NHSL1: variants seen among roughly 807,000 people sequenced by gnomAD.
NHSL1 encodes NHS like 1.
In NHSL1, 48 loss-of-function variants were observed where a neutral mutation model predicts 95.0. That is an observed-to-expected ratio of 0.51 (90% CI 0.40 to 0.64). NHSL1 has a LOEUF of 0.64. Among genes scored for constraint, NHSL1 ranks in the 30% least tolerant of loss-of-function variants. The probability of loss-of-function intolerance (pLI) is 0.00; values close to 1 mark genes in which losing one functional copy is unlikely to be tolerated. For synonymous variants in NHSL1, 783 were observed against 833.9 expected (o/e 0.94, Z 1.05); for missense variants, 1,971 against 2,077.7 (o/e 0.95, Z 1.00).
chr6:138,470,053 CTAAT>C (rs1222221582), intron 3 of NHSL1, among the ~76,000 whole-genome samples: 6 of 151,812 alleles, frequency 4.0e-5, no homozygotes, highest in Admixed American at 6.6e-5. Flanking sequence ...ATAATAATGT[CTAAT>C]TAATATATAT....
At chr6:138,663,314 A>G (rs528805666) in intron 1 of NHSL1, among the ~76,000 whole-genome samples, 1 of 152,122 alleles carries the variant, frequency 6.6e-6, no homozygotes, top group African/African-American at 2.4e-5. Flanking sequence ...TCATCCCAGC[A>G]CTTTGGGAGG....
At chr6:138,648,158 G>A (rs867239053) in intron 1 of NHSL1, among the ~76,000 whole-genome samples, 6 of 151,740 alleles carry the variant, frequency 4.0e-5, no homozygotes, top group African/African-American at 9.7e-5. Flanking sequence ...TTTCCAGACC[G>A]TACACACACA....
At chr6:138,603,339 C>A (rs1033461591) in intron 1 of NHSL1, among the ~76,000 whole-genome samples, 9 of 152,142 alleles carry the variant, frequency 5.9e-5, no homozygotes, top group Admixed American at 2.6e-4. Flanking sequence ...GATGAGCCAA[C>A]TGTGTCAGCC....
chr6:138,540,031 C>T (rs1190696101), intron 1 of NHSL1, among the ~76,000 whole-genome samples: 2 of 152,172 alleles, frequency 1.3e-5, no homozygotes, highest in Non-Finnish European at 2.9e-5. Context: ...TTATTAAATT[C>T]CAAGGGCTTT....
intron 1 of NHSL1, among the ~76,000 whole-genome samples, chr6:138,663,903 C>T (rs1197765488): frequency 6.6e-6 from 1 of 152,102 alleles, no homozygotes; most frequent in African/African-American, 2.4e-5. Context: ...AAAATCTACA[C>T]AAAACATGTT....
intron 1 of NHSL1, among the ~76,000 whole-genome samples, chr6:138,674,926 TA>T (rs1023526351): frequency 1.3e-5 from 2 of 152,012 alleles, no homozygotes; most frequent in African/African-American, 4.8e-5. Flanking sequence ...CACGCATCTG[TA>T]GTCCCAGCTA....
At chr6:138,565,212 T>G (rs1293571061) in intron 1 of NHSL1, among the ~76,000 whole-genome samples, 1 of 152,138 alleles carries the variant, frequency 6.6e-6, no homozygotes, top group Non-Finnish European at 1.5e-5. Flanking sequence ...GTTCAAGCGA[T>G]TCTCCTGCCT....
intron 1 of NHSL1, among the ~76,000 whole-genome samples, chr6:138,517,170 G>A (rs907105500): frequency 6.6e-5 from 10 of 152,116 alleles, no homozygotes; most frequent in African/African-American, 1.9e-4. Flanking sequence ...AGTCCAAGAC[G>A]ACACCAACAG....
chr6:138,619,391 G>A (rs1436147609), intron 1 of NHSL1, among the ~76,000 whole-genome samples: 1 of 152,176 alleles, frequency 6.6e-6, no homozygotes, highest in Non-Finnish European at 1.5e-5. Context: ...CCAAGACCAA[G>A]ACCTATTTAT....
At chr6:138,581,960 C>T (rs1192065214) in intron 1 of NHSL1, among the ~76,000 whole-genome samples, 8 of 147,514 alleles carry the variant, frequency 5.4e-5, no homozygotes, top group African/African-American at 1.5e-4. Flanking sequence ...TGCAGTGGCG[C>T]GATCTCGGCC....
At chr6:138,558,412 G>A (rs1431331998) in intron 1 of NHSL1, among the ~76,000 whole-genome samples, 1 of 144,382 alleles carries the variant, frequency 6.9e-6, no homozygotes, top group East Asian at 2.1e-4. Flanking sequence ...GTAAGCCACT[G>A]TGCCCACCCT....
chr6:138,562,490 TACA>T (rs1199643774), intron 1 of NHSL1, among the ~76,000 whole-genome samples: 2 of 151,966 alleles, frequency 1.3e-5, no homozygotes, highest in Non-Finnish European at 2.9e-5. Flanking sequence ...CTACTACAAA[TACA>T]ACAACCACCA....
intron 1 of NHSL1, among the ~76,000 whole-genome samples, chr6:138,515,932 G>GC (rs1781441031): frequency 6.6e-6 from 1 of 152,206 alleles, no homozygotes; most frequent in Admixed American, 6.5e-5. Context: ...GAAGGCGCAC[G>GC]CCGTCTCTCA....
chr6:138,601,284 TGTTATGTTCTCCA>T (rs745367982), intron 1 of NHSL1, among the ~76,000 whole-genome samples: 1 of 152,208 alleles, frequency 6.6e-6, no homozygotes, highest in Non-Finnish European at 1.5e-5. Flanking sequence ...TTTTTAAATC[TGTTATGTTCTCCA>T]GTCCCAAGCT....
chr6:138,573,078 C>A (rs1172639838), upstream of NHSL1, among the ~76,000 whole-genome samples: 2 of 152,198 alleles, frequency 1.3e-5, no homozygotes, highest in East Asian at 1.9e-4. Context: ...TCCTCCTCTG[C>A]CGTATCACTG....
chr6:138,590,472 T>C (rs1196110201), intron 1 of NHSL1, among the ~76,000 whole-genome samples: 2 of 152,154 alleles, frequency 1.3e-5, no homozygotes, highest in Non-Finnish European at 2.9e-5. Context: ...CCTGCCCCTC[T>C]TCCCTCTGGT....
At chr6:138,453,253 CG>C (rs1777358464) in intron 3 of NHSL1, among the ~76,000 whole-genome samples, 1 of 152,150 alleles carries the variant, frequency 6.6e-6, no homozygotes. Flanking sequence ...GGATTACAAG[CG>C]TGAGCCACCA....
At chr6:138,594,935 G>A (rs552936501) in intron 1 of NHSL1, among the ~76,000 whole-genome samples, 16 of 152,274 alleles carry the variant, frequency 1.1e-4, no homozygotes, top group African/African-American at 3.1e-4. Context: ...TGGTTCACAC[G>A]TGAGCCCAGA....
intron 1 of NHSL1, among the ~76,000 whole-genome samples, chr6:138,671,659 C>A (rs1481583111): frequency 6.6e-6 from 1 of 151,918 alleles, no homozygotes; most frequent in Non-Finnish European, 1.5e-5. Context: ...AGTCATATCT[C>A]CAAGAAGACA....
Sources: allele counts gnomAD v4.1 joint callset (sites outside exome capture counted in the v4.1 genomes callset), GRCh38; gene constraint gnomAD v4.1.1; transcripts MANE v1.5; gene names NCBI Gene and HGNC (gene_info 2026-07-23, HGNC 2026-07-21).